The following TTC39B variants were observed in gnomAD, a reference collection of about 807,000 sequenced individuals.
The protein encoded by TTC39B is tetratricopeptide repeat protein 39B.
TTC39B carries 92 observed loss-of-function variants against 96.6 expected under a neutral mutation model. The ratio of observed to expected loss-of-function variants is 0.95; its 90% CI spans 0.80 to 1.13. The LOEUF is 1.13. Among genes scored for constraint, TTC39B ranks in the 50% most tolerant of loss-of-function variants. The pLI is 0.00. For missense variants in TTC39B, 955 were observed against 809.3 expected, an observed-to-expected ratio of 1.18 and a Z score of -2.18; for synonymous variants, 367 against 299.4, an observed-to-expected ratio of 1.23 and a Z score of -2.33.
In TTC39B at chr9:15,266,256, A is replaced by T. The variant is rs183109478; in HGVS notation, c.275+1658T>A. Among the ~76,000 whole-genome samples, 960 of 151,552 alleles carry T rather than the reference A, an allele frequency of 6.3e-3. 3 individuals carry two copies. Among genetic ancestry groups the T allele is most frequent in the South Asian group, 0.012 (60 of 4,808 alleles). On this transcript the variant is annotated intron_variant, in intron 2 of 19. Transcript: ENST00000512701. ...CCAATCACAATTAAGTTTTTTTTTT[A>T]AAAAATCATATAAACATGAAACTTT... is the stretch of plus-strand genomic sequence containing the variant.
exon 17 of TTC39B, chr9:15,182,315 T>G: frequency 6.2e-7 from 1 of 1,608,812 alleles, no homozygotes; most frequent in Non-Finnish European, 8.5e-7. Context: ...ACTTTGACTT[T>G]GTAAAGCTGC....
At chr9:15,270,598 C>G (rs1226994578) in intron 1 of TTC39B, among the ~76,000 whole-genome samples, 1 of 150,940 alleles carries the variant, frequency 6.6e-6, no homozygotes, top group Non-Finnish European at 1.5e-5. Context: ...AGTATTCCCA[C>G]CCCTCCATCA....
intron 2 of TTC39B, among the ~76,000 whole-genome samples, chr9:15,265,875 A>G (rs1823112328): frequency 6.6e-6 from 1 of 152,176 alleles, no homozygotes; most frequent in African/African-American, 2.4e-5. Context: ...GGGCCATTCT[A>G]CAAAATAACT....
chr9:15,283,977 G>A (rs1823864346), intron 1 of TTC39B, among the ~76,000 whole-genome samples: 1 of 152,060 alleles, frequency 6.6e-6, no homozygotes, highest in South Asian at 2.1e-4. Context: ...AAAAGATTTT[G>A]CTACATAAAA....
chr9:15,247,586 A>G (rs1248669468), intron 2 of TTC39B, among the ~76,000 whole-genome samples: 1 of 152,142 alleles, frequency 6.6e-6, no homozygotes, highest in African/African-American at 2.4e-5. Context: ...TTCCATTAGC[A>G]TTCCTCTTCT....
At chr9:15,250,339 A>G (rs971771215) in intron 2 of TTC39B, 2 of 444,748 alleles carry the variant, frequency 4.5e-6, no homozygotes, top group Non-Finnish European at 3.0e-6. Context: ...CTGGATTTAT[A>G]AAAACCACAG....
At chr9:15,207,126 T>C (rs750812179) in intron 6 of TTC39B, among the ~76,000 whole-genome samples, 6 of 152,212 alleles carry the variant, frequency 3.9e-5, no homozygotes, top group African/African-American at 7.2e-5. Flanking sequence ...TCCCCAGCTA[T>C]GCAGAACTAT....
chr9:15,302,539 CAAAAAAAAAAA>C (rs145173046), intron 1 of TTC39B, among the ~76,000 whole-genome samples: 1 of 46,760 alleles, frequency 2.1e-5, no homozygotes, highest in Non-Finnish European at 3.4e-5. Context: ...GATTCCGTCT[CAAAAAAAAAAA>C]AAAAAAAAAA....
intron 2 of TTC39B, among the ~76,000 whole-genome samples, chr9:15,227,533 C>T (rs1391375538): frequency 2.0e-5 from 3 of 152,158 alleles, no homozygotes; most frequent in Non-Finnish European, 4.4e-5. Flanking sequence ...GGGAAGAAAA[C>T]TCCACAGGTA....
At chr9:15,171,551 C>T (rs1236197271) in exon 20 of TTC39B, 1 of 152,750 alleles carries the variant, frequency 6.5e-6, no homozygotes, top group Non-Finnish European at 1.5e-5. Context: ...TTCTGAAGGT[C>T]ACTGTTAAGC....
intron 1 of TTC39B, among the ~76,000 whole-genome samples, chr9:15,294,394 T>C (rs1477023380): frequency 6.6e-6 from 1 of 152,188 alleles, no homozygotes; most frequent in East Asian, 1.9e-4. Context: ...AACATCTAGG[T>C]GCTACCTGAA....
At chr9:15,228,076 T>C (rs1253822256) in intron 2 of TTC39B, among the ~76,000 whole-genome samples, 1 of 152,194 alleles carries the variant, frequency 6.6e-6, no homozygotes, top group Non-Finnish European at 1.5e-5. Flanking sequence ...AAAAAACACA[T>C]CTTTTCCCCC....
chr9:15,215,009 T>C (rs1348361091), intron 3 of TTC39B, among the ~76,000 whole-genome samples: 1 of 152,170 alleles, frequency 6.6e-6, no homozygotes, highest in Non-Finnish European at 1.5e-5. Context: ...TGCCCGGCAC[T>C]TTAGGAGACT....
At chr9:15,300,680 GT>G (rs1181238972) in intron 1 of TTC39B, among the ~76,000 whole-genome samples, 2 of 152,158 alleles carry the variant, frequency 1.3e-5, no homozygotes, top group Non-Finnish European at 2.9e-5. Flanking sequence ...GAGGTCAGGA[GT>G]TCGAAAGCAG....
At chr9:15,268,662 G>T (rs1322838356) in intron 1 of TTC39B, among the ~76,000 whole-genome samples, 1 of 151,916 alleles carries the variant, frequency 6.6e-6, no homozygotes, top group Non-Finnish European at 1.5e-5. Flanking sequence ...CAGGTATCCG[G>T]GGTCCACCAC....
intron 1 of TTC39B, among the ~76,000 whole-genome samples, chr9:15,305,701 G>A (rs900108737): frequency 1.3e-5 from 2 of 149,696 alleles, no homozygotes; most frequent in Non-Finnish European, 3.0e-5. Flanking sequence ...CATCTCAACC[G>A]TTCATCTAGT....
chr9:15,266,803 G>A (rs1563774916), intron 2 of TTC39B, among the ~76,000 whole-genome samples: 2 of 152,156 alleles, frequency 1.3e-5, no homozygotes, highest in Admixed American at 6.5e-5. Context: ...CATCAGGCAG[G>A]GCGCAGTGGC....
chr9:15,264,940 T>C (rs1285638694), intron 2 of TTC39B, among the ~76,000 whole-genome samples: 1 of 151,796 alleles, frequency 6.6e-6, no homozygotes, highest in East Asian at 1.9e-4. Flanking sequence ...AACAAAAGAG[T>C]TGTTTTTGTG....
chr9:15,283,900 AT>A (rs1365431910), intron 1 of TTC39B, among the ~76,000 whole-genome samples: 1 of 152,208 alleles, frequency 6.6e-6, no homozygotes, highest in Non-Finnish European at 1.5e-5. Flanking sequence ...ATTTTTTAAA[AT>A]AATCTTAAAA....
Sources: gnomAD v4.1 joint callset for allele counts (sites outside exome capture counted in the v4.1 genomes callset) on GRCh38, gnomAD v4.1.1 for gene constraint, MANE v1.5 for transcripts, NCBI Gene and HGNC (gene_info 2026-07-23, HGNC 2026-07-21) for gene names.